FAM107B: variants seen among roughly 807,000 people sequenced by gnomAD.
FAM107B encodes family with sequence similarity 107 member B.
FAM107B carries 21 observed loss-of-function variants against 31.5 expected under a neutral mutation model. The observed-to-expected ratio is 0.67, with a 90% CI of 0.47 to 0.96. FAM107B has a LOEUF of 0.96. FAM107B is among the 40% of genes least tolerant of loss of function. FAM107B has a pLI of 0.00. For synonymous variants in FAM107B, 157 were observed against 141.5 expected (o/e 1.11, Z -0.78); for missense variants, 452 against 377.1 (o/e 1.20, Z -1.64).
intron 2 of FAM107B, among the ~76,000 whole-genome samples, chr10:14,602,271 A>G (rs1852424460): frequency 6.6e-6 from 1 of 152,226 alleles, no homozygotes; most frequent in South Asian, 2.1e-4. Flanking sequence ...GAGTGGACAC[A>G]GCCACAACTT....
intron 2 of FAM107B, among the ~76,000 whole-genome samples, chr10:14,599,722 C>T (rs1216459851): frequency 4.6e-5 from 7 of 152,068 alleles, no homozygotes; most frequent in South Asian, 2.1e-4. Flanking sequence ...GTAGAATCTG[C>T]GGCTGAATAA....
intron 2 of FAM107B, among the ~76,000 whole-genome samples, chr10:14,573,161 T>C (rs533686811): frequency 1.1e-4 from 17 of 152,140 alleles, no homozygotes; most frequent in African/African-American, 4.1e-4. Context: ...ACAGGCTTGG[T>C]GGAAAGCTCT....
At chr10:14,725,804 G>T (rs1156509473) in intron 1 of FAM107B, among the ~76,000 whole-genome samples, 1 of 144,434 alleles carries the variant, frequency 6.9e-6, no homozygotes, top group East Asian at 2.1e-4. Context: ...TTTCTAGGGA[G>T]CAAAAGCAGT....
intron 1 of FAM107B, among the ~76,000 whole-genome samples, chr10:14,684,785 A>G (rs1186449496): frequency 3.3e-5 from 5 of 151,652 alleles, no homozygotes; most frequent in Non-Finnish European, 2.9e-5. Context: ...GCGATATTGA[A>G]TAGATGATTT....
At chr10:14,707,116 ACT>A (rs1166004382) in intron 1 of FAM107B, among the ~76,000 whole-genome samples, 1 of 151,992 alleles carries the variant, frequency 6.6e-6, no homozygotes, top group Non-Finnish European at 1.5e-5. Flanking sequence ...ACAGAGCAAG[ACT>A]CTGTCTCAGA....
intron 2 of FAM107B, among the ~76,000 whole-genome samples, chr10:14,662,302 AG>A (rs1169691758): frequency 1.3e-5 from 2 of 151,848 alleles, no homozygotes; most frequent in East Asian, 3.9e-4. Context: ...TTCTATGCTC[AG>A]GTGGAGAAAG....
chr10:14,666,335 A>C (rs957249873), intron 2 of FAM107B, among the ~76,000 whole-genome samples: 1 of 152,178 alleles, frequency 6.6e-6, no homozygotes, highest in Non-Finnish European at 1.5e-5. Flanking sequence ...CCTTCTTCAC[A>C]TGACAGTAGC....
chr10:14,697,510 G>C (rs748045857), intron 1 of FAM107B, among the ~76,000 whole-genome samples: 7 of 152,254 alleles, frequency 4.6e-5, no homozygotes, highest in Non-Finnish European at 8.8e-5. Context: ...AAACTACTGT[G>C]TTCCAGAATC....
At chr10:14,710,313 A>T (rs1260197623) in intron 1 of FAM107B, among the ~76,000 whole-genome samples, 1 of 152,218 alleles carries the variant, frequency 6.6e-6, no homozygotes, top group East Asian at 1.9e-4. Flanking sequence ...AGCCAAGCTG[A>T]GGCAGGAGGA....
intron 1 of FAM107B, among the ~76,000 whole-genome samples, chr10:14,684,268 C>T (rs1381366102): frequency 3.3e-5 from 5 of 152,158 alleles, no homozygotes; most frequent in Non-Finnish European, 7.4e-5. Flanking sequence ...GCCTGGCCAA[C>T]ATGGTGAAAC....
chr10:14,602,999 CCA>C (rs10546149), intron 2 of FAM107B: 14,477 of 146,862 alleles, frequency 0.099, 754 homozygotes, highest in Middle Eastern at 0.18. Context: ...ACCCTCTTTC[CCA>C]CACACACACA....
intron 2 of FAM107B, among the ~76,000 whole-genome samples, chr10:14,654,368 A>G (rs926077874): frequency 1.3e-5 from 2 of 152,232 alleles, no homozygotes; most frequent in African/African-American, 4.8e-5. Flanking sequence ...TGTGTGGAAT[A>G]TAGACCGCAT....
chr10:14,667,605 G>A, intron 2 of FAM107B, 29 bp downstream of exon 2: 1 of 1,612,144 alleles, frequency 6.2e-7, no homozygotes, highest in Non-Finnish European at 8.5e-7. Flanking sequence ...CAGCAGCCTG[G>A]AAAAGGAATC....
chr10:14,720,403 A>G (rs1262572820), intron 1 of FAM107B, among the ~76,000 whole-genome samples: 1 of 152,050 alleles, frequency 6.6e-6, no homozygotes, highest in Non-Finnish European at 1.5e-5. Context: ...ACAGGCATGC[A>G]CCACCACACC....
intron 2 of FAM107B, among the ~76,000 whole-genome samples, chr10:14,550,439 T>C (rs117663752): frequency 1.3e-3 from 192 of 152,314 alleles, no homozygotes; most frequent in Non-Finnish European, 1.1e-3. Flanking sequence ...TGGCAATTCA[T>C]TGCATTGCAA....
chr10:14,641,038 T>C (rs1853614825), intron 2 of FAM107B, among the ~76,000 whole-genome samples: 1 of 152,194 alleles, frequency 6.6e-6, no homozygotes, highest in Admixed American at 6.5e-5. Context: ...TCCTGCTAGG[T>C]GAATGTTCTT....
At chr10:14,560,230 C>T (rs753505837) in intron 2 of FAM107B, among the ~76,000 whole-genome samples, 1 of 151,400 alleles carries the variant, frequency 6.6e-6, no homozygotes, top group Non-Finnish European at 1.5e-5. Flanking sequence ...TTTTTTCTTT[C>T]CCATTTGGAA....
intron 1 of FAM107B, among the ~76,000 whole-genome samples, chr10:14,725,432 T>C (rs1010421788): frequency 6.6e-6 from 1 of 152,220 alleles, no homozygotes; most frequent in Non-Finnish European, 1.5e-5. Flanking sequence ...GACTGCTATA[T>C]CAAATACGCC....
intron 2 of FAM107B, among the ~76,000 whole-genome samples, chr10:14,543,273 A>C (rs1848391711): frequency 6.6e-6 from 1 of 152,216 alleles, no homozygotes; most frequent in African/African-American, 2.4e-5. Context: ...GTGTTTCTTT[A>C]CTAAAAGGAA....
Sources: gnomAD v4.1 joint callset for allele counts (sites outside exome capture counted in the v4.1 genomes callset) on GRCh38, gnomAD v4.1.1 for gene constraint, MANE v1.5 for transcripts, NCBI Gene and HGNC (gene_info 2026-07-23, HGNC 2026-07-21) for gene names.